CCDC154: variants seen among roughly 807,000 people sequenced by gnomAD.
The protein encoded by CCDC154 is coiled-coil domain containing 154, also known as coiled-coil domain-containing protein 154.
In CCDC154, 91 loss-of-function variants were observed where a neutral mutation model predicts 87.5. The observed-to-expected ratio is 1.04, with a 90% confidence interval of 0.88 to 1.24. CCDC154 has a LOEUF of 1.24. CCDC154 is among the 50% of genes most tolerant of loss of function. The pLI, the probability that CCDC154 is intolerant of heterozygous loss-of-function variation, is 0.00. For missense variants in CCDC154, 903 were observed against 879.2 expected (o/e 1.03, Z -0.34); for synonymous variants, 418 against 400.4 (o/e 1.04, Z -0.52).
In CCDC154 at chr16:1,436,069, G is replaced by C. The variant is rs1403576928; in HGVS notation, c.1505C>G (p.Ala502Gly). 1.9e-6 allele frequency: 3 copies of C among 1,550,256 alleles called. No individual in the cohort carries two copies. The Admixed American group carries it at 5.9e-5, about 30-fold the overall frequency. ...TAGCGTGGCCAGCTCCTGCCGCAGG[G>C]CCCCAACCTTGAACTCCCTATGGGC... Reference protein sequence around the residue: ...EGKAREFKVGALRQELATLLS... With the variant: ...EGKAREFKVGGLRQELATLLS... Residue 502 changes from alanine (A) to glycine (G), a missense_variant, in exon 14 of 17, where the codon GCC becomes GGC. Transcript: ENST00000389176.
chr16:1,442,570 G>T (rs911171893), intron 5 of CCDC154, 41 bp from the exon 6 acceptor site: 12 of 1,493,340 alleles, frequency 8.0e-6, no homozygotes, highest in Non-Finnish European at 9.8e-6. Context: ...CAGCTGGCCG[G>T]AGGGCCCAGC....
intron 15 of CCDC154, 82 bp downstream of exon 15, chr16:1,435,007 T>TGCAGCAGGGCAGGCGGGGAG: frequency 2.1e-6 from 3 of 1,457,016 alleles, no homozygotes; most frequent in Admixed American, 4.2e-5. Context: ...CACTGGCGCC[T>TGCAGCAGGGCAGGCGGGGAG]GCAGCAGGGC....
chr16:1,442,486 G>C lies in CCDC154; in HGVS notation c.595C>G (p.Arg199Gly), dbSNP rs754724539. ...TDLLQQEEQG[R>G]EVACGALQKN... is the part of the protein sequence containing the mutation. ...TGCAGGGCGCCGCAGGCCACCTCCC[G>C]GCCCTGCTCCTCCTGCTGCAGCAAG... The change falls in exon 6 of 17, where the codon CGG becomes GGG. Residue 199 changes from arginine (R) to glycine (G), a missense_variant. Physicochemically the swap from Arg to Gly is moderately radical, Grantham distance 125. Transcript: ENST00000389176. 2 of 1,549,286 alleles carry C rather than the reference G, an allele frequency of 1.3e-6. No homozygotes were observed. Among genetic ancestry groups the C allele is most frequent in the Admixed American group, 2.0e-5 (1 of 50,804 alleles).
At chr16:1,436,873 A>T in intron 11 of CCDC154, 62 bp from the exon 12 acceptor site, 2 of 1,542,574 alleles carry the variant, frequency 1.3e-6, no homozygotes, top group Non-Finnish European at 1.8e-6. Context: ...AGATGGAAAG[A>T]CGGACACGGG....
chr16:1,443,254 G>A lies in CCDC154; in HGVS notation c.455+7C>T, dbSNP rs1012741251. 8 of 1,548,718 alleles carry A rather than the reference G, an allele frequency of 5.2e-6. 1 individual carries two copies. Among genetic ancestry groups the A allele is most frequent in the South Asian group, 3.6e-5 (3 of 83,994 alleles). ...TGGGCCTGTGCCCCTAGGTGTGTGG[G>A]GGGTACCTTTTGTCCAGGGCCTGCA... On this transcript the variant is annotated splice_region_variant and intron_variant, in intron 4 of 16. Transcript: ENST00000389176.
chr16:1,444,112 C>A, intron 1 of CCDC154, 100 bp from the exon 2 acceptor site: 5 of 1,069,022 alleles, frequency 4.7e-6, no homozygotes, highest in Non-Finnish European at 6.2e-6. Flanking sequence ...TCGCCCACCA[C>A]CCAGAGCTCA....
chr16:1,434,445 ACCTGCT>A lies in CCDC154; in HGVS notation c.1961_1966del (p.Glu654_Gln655del), dbSNP rs746640966. ...AAACAGTGAGGGTGTGAGCTGCTGCACCTGCTCCTGGCTGTGGGGCTTCTCCAGGAC... is the reference window on the plus strand; with the variant it reads ...AAACAGTGAGGGTGTGAGCTGCTGCACCTGGCTGTGGGGCTTCTCCAGGAC... On this transcript the variant is annotated inframe_deletion, in exon 17 of 17. Coordinates refer to ENST00000389176, the MANE Select transcript of CCDC154 (RefSeq NM_001143980.3). 17 of 1,550,356 alleles carry A rather than the reference ACCTGCT, an allele frequency of 1.1e-5. No homozygotes were observed. In the African/African-American group the frequency reaches 1.9e-4, roughly 17 times the overall value.
chr16:1,434,938 C>G, intron 15 of CCDC154, 86 bp from the exon 16 acceptor site: 3 of 1,432,474 alleles, frequency 2.1e-6, no homozygotes, highest in Non-Finnish European at 2.8e-6. Flanking sequence ...CACCGGGAGC[C>G]TGGAAGCCAT....
intron 6 of CCDC154, among the ~76,000 whole-genome samples, chr16:1,441,198 C>T (rs1205504309): frequency 6.6e-6 from 1 of 152,238 alleles, no homozygotes; most frequent in Non-Finnish European, 1.5e-5. Flanking sequence ...CAGGGAAAGG[C>T]AGACGCCCTC....
chr16:1,436,427 A>G lies in CCDC154; in HGVS notation c.1487+18T>C, dbSNP rs902881017. 12 of 1,544,494 alleles carry G rather than the reference A, an allele frequency of 7.8e-6. No individual in the cohort carries two copies. The Admixed American group carries it at 2.0e-4, about 25-fold the overall frequency. On this transcript the variant is annotated intron_variant, in intron 13 of 16. Coordinates refer to ENST00000389176, the MANE Select transcript of CCDC154 (RefSeq NM_001143980.3). ...TCAGCAGAGCCCCTGCCCCTCTCCC[A>G]GGGCCTGGAGGCTGTACCTGGCCTT...
At position 1,439,121 on chromosome 16, in the gene CCDC154, C is replaced by A. The variant is rs1392863310; in HGVS notation, c.681G>T (p.Gln227His). 1.2e-5 allele frequency: 18 copies of A among 1,549,958 alleles called. No homozygotes were observed. In the East Asian group the frequency reaches 4.4e-4, roughly 38 times the overall value. ...TCACCTCTTCGCCGAGCTTGGTCAC[C>A]TGGGCCTGGGGCGGAGGCACATTGT... ...VDLEVARMQA[Q>H]VTKLGEEVSL... The change falls in exon 7 of 17, where the codon CAG becomes CAT. Residue 227 changes from glutamine to histidine, a missense_variant. Gln to His is a conservative substitution (Grantham distance 24, BLOSUM62 0). Transcript: ENST00000389176.
Position 1,435,996 on chromosome 16 carries a change from G to T in CCDC154, c.1578C>A (p.Ile526=), listed in dbSNP as rs767862153. 1 of 1,550,018 alleles carries T rather than the reference G, an allele frequency of 6.5e-7. No homozygotes were observed. Among genetic ancestry groups the T allele is most frequent in the South Asian group, 1.2e-5 (1 of 84,018 alleles). ...LLKEDNPGRK[I]AEMQGKLATF... is the part of the protein sequence containing the mutation. ...TGGCCAGCTTGCCCTGCATCTCCGC[G>T]ATCTTCCGCCCAGGGTTGTCTTCCT... Residue 526 remains isoleucine (I), a synonymous_variant, in exon 14 of 17, where the codon ATC becomes ATA. Transcript: ENST00000389176.
At chr16:1,444,258 C>G in intron 1 of CCDC154, 58 bp downstream of exon 1, 1 of 1,292,092 alleles carries the variant, frequency 7.7e-7, no homozygotes. Context: ...CAGAGCGGTC[C>G]CCACCCTCAC....
chr16:1,434,987 G>C, intron 15 of CCDC154, 102 bp downstream of exon 15: 2 of 1,425,524 alleles, frequency 1.4e-6, no homozygotes, highest in African/African-American at 2.9e-5. Context: ...CAGACACTTG[G>C]ACAGACAGAC....
At chr16:1,435,028 G>C in intron 15 of CCDC154, 61 bp downstream of exon 15, 2 of 1,497,014 alleles carry the variant, frequency 1.3e-6, no homozygotes, top group Non-Finnish European at 1.8e-6. Context: ...AGGCGGGGAG[G>C]CGGCAGGGCT....
intron 16 of CCDC154, 56 bp downstream of exon 16, chr16:1,434,612 G>A (rs7190606): frequency 0.14 from 187,685 of 1,360,976 alleles, 17,397 homozygotes; most frequent in African/African-American, 0.5. Context: ...TGGGCCCCCA[G>A]CCCTGAACCC....
intron 4 of CCDC154, 38 bp downstream of exon 4, chr16:1,443,223 C>T: frequency 6.5e-7 from 1 of 1,544,276 alleles, no homozygotes. Context: ...CACCACCTCC[C>T]CGCCCTGGGC....
chr16:1,440,500 G>GAAGAGAAGAGAAGAGAAGAGAACAGAA (rs1567258640), intron 6 of CCDC154, among the ~76,000 whole-genome samples: 1,917 of 147,060 alleles, frequency 0.013, 20 homozygotes, highest in Non-Finnish European at 0.016. Flanking sequence ...ACAGAAAAGA[G>GAAGAGAAGAGAAGAGAAGAGAACAGAA]AAGAGAAGAG....
At position 1,442,499 on chromosome 16, in the gene CCDC154, C is replaced by T. The variant is rs1567259203; in HGVS notation, c.582G>A (p.Gln194=). 1 of 1,548,796 alleles carries T rather than the reference C, an allele frequency of 6.5e-7. No individual in the cohort carries two copies. Among genetic ancestry groups the T allele is most frequent in the Admixed American group, 2.0e-5 (1 of 50,692 alleles). ...RLAKLTDLLQ[Q]EEQGREVACG... ...AGGCCACCTCCCGGCCCTGCTCCTC[C>T]TGCTGCAGCAAGTCGGTCAGCTTGG... Residue 194 remains glutamine (Q), a synonymous_variant, in exon 6 of 17, where the codon CAG becomes CAA. Coordinates refer to ENST00000389176, the MANE Select transcript of CCDC154 (RefSeq NM_001143980.3).
Sources: gnomAD v4.1 joint callset for allele counts (sites outside exome capture counted in the v4.1 genomes callset) on GRCh38, gnomAD v4.1.1 for gene constraint, MANE v1.5 for transcripts, NCBI Gene and HGNC (gene_info 2026-07-23, HGNC 2026-07-21) for gene names.